GRID2: variants seen among roughly 807,000 people sequenced by gnomAD.
GRID2 encodes the protein glutamate receptor ionotropic, delta-2.
Under a neutral mutation model 114.8 loss-of-function variants are expected in GRID2, and 33 were observed. The observed-to-expected ratio is 0.29, with a 90% CI of 0.22 to 0.38. The LOEUF (loss-of-function observed/expected upper bound fraction) is 0.38, where lower values mean the gene tolerates loss of function less well. Ranked by LOEUF, GRID2 falls within the 10% of genes least tolerant of loss-of-function variation. GRID2 has a pLI of 1.00. For missense variants in GRID2, 1,184 were observed against 1,257.7 expected (o/e 0.94, Z 0.89); for synonymous variants, 505 against 449.9 (o/e 1.12, Z -1.55).
chr4:92,754,207 G>C (rs1737597589), intron 2 of GRID2, among the ~76,000 whole-genome samples: 1 of 152,166 alleles, frequency 6.6e-6, no homozygotes, highest in Non-Finnish European at 1.5e-5. Flanking sequence ...ACATTTCATA[G>C]TCCTGTGAAT....
At chr4:92,610,715 G>C (rs1729677462) in intron 2 of GRID2, among the ~76,000 whole-genome samples, 1 of 151,610 alleles carries the variant, frequency 6.6e-6, no homozygotes, top group African/African-American at 2.4e-5. Flanking sequence ...GCTCTCTCAA[G>C]TCCAATCAAT....
intron 2 of GRID2, among the ~76,000 whole-genome samples, chr4:93,013,852 G>A (rs1280404618): frequency 6.6e-6 from 1 of 151,568 alleles, no homozygotes. Flanking sequence ...TTATTTGAGG[G>A]GCAATTATGA....
chr4:93,589,067 A>G (rs1737848690), intron 13 of GRID2, among the ~76,000 whole-genome samples: 1 of 151,492 alleles, frequency 6.6e-6, no homozygotes, highest in African/African-American at 2.4e-5. Flanking sequence ...TATTATTATT[A>G]TACTTTAAGT....
intron 8 of GRID2, among the ~76,000 whole-genome samples, chr4:93,391,298 A>G (rs1315784640): frequency 2.6e-5 from 4 of 152,142 alleles, no homozygotes; most frequent in Admixed American, 6.6e-5. Context: ...TGCCATATGT[A>G]TTTTTTACAC....
chr4:92,757,334 C>T (rs917478521), intron 2 of GRID2, among the ~76,000 whole-genome samples: 1 of 151,920 alleles, frequency 6.6e-6, no homozygotes, highest in Non-Finnish European at 1.5e-5. Context: ...GGGGTGAAAA[C>T]GATGCTATCT....
chr4:93,095,984 GACTTCAAGGCTTTTTTGA>G (rs1177127030), intron 3 of GRID2, among the ~76,000 whole-genome samples: 1 of 151,922 alleles, frequency 6.6e-6, no homozygotes, highest in Non-Finnish European at 1.5e-5. Flanking sequence ...TATTTTACCT[GACTTCAAGGCTTTTTTGA>G]TATTGGCATA....
intron 8 of GRID2, among the ~76,000 whole-genome samples, chr4:93,332,855 C>T (rs1285623889): frequency 1.3e-5 from 2 of 152,072 alleles, no homozygotes; most frequent in African/African-American, 4.8e-5. Context: ...TTCTTCTCCC[C>T]AGGTAATTAA....
chr4:92,683,705 TTAAAAA>T (rs1250723799), intron 2 of GRID2, among the ~76,000 whole-genome samples: 2 of 151,694 alleles, frequency 1.3e-5, no homozygotes, highest in African/African-American at 4.8e-5. Context: ...ACAAAAAAGA[TTAAAAA>T]TAAAAGGATA....
intron 2 of GRID2, among the ~76,000 whole-genome samples, chr4:92,618,071 C>T (rs917622630): frequency 6.6e-6 from 1 of 151,560 alleles, no homozygotes; most frequent in Admixed American, 6.6e-5. Flanking sequence ...TGAAGTCTTC[C>T]TCATAAAATA....
Position 92,987,500 on chromosome 4 carries a change from G to A in GRID2, c.245-97495G>A, listed in dbSNP as rs562681563. Among the ~76,000 whole-genome samples, 4 of 152,070 alleles carry A rather than the reference G, an allele frequency of 2.6e-5. No individual in the cohort carries two copies. The East Asian group carries it at 7.7e-4, about 29-fold the overall frequency. ...GGAGATATACCTAATGTTAAATGAT[G>A]AGTTAATGGGTGCAGCACACCAACA... On this transcript the variant is annotated intron_variant, in intron 2 of 15. Transcript: ENST00000282020.
intron 2 of GRID2, among the ~76,000 whole-genome samples, chr4:92,998,036 G>A (rs925916005): frequency 4.6e-5 from 7 of 151,738 alleles, no homozygotes; most frequent in Non-Finnish European, 1.0e-4. Flanking sequence ...AAATACTTTG[G>A]AATAATTAGA....
At chr4:92,655,807 T>A (rs1178992208) in intron 2 of GRID2, among the ~76,000 whole-genome samples, 1 of 151,876 alleles carries the variant, frequency 6.6e-6, no homozygotes, top group African/African-American at 2.4e-5. Context: ...GAGGGATAAT[T>A]TGACTCCCTC....
intron 13 of GRID2, among the ~76,000 whole-genome samples, chr4:93,595,537 G>A (rs906020198): frequency 1.3e-5 from 2 of 152,144 alleles, no homozygotes; most frequent in Non-Finnish European, 1.5e-5. Context: ...AACACTGCAT[G>A]AAAAGCATTT....
intron 3 of GRID2, among the ~76,000 whole-genome samples, chr4:93,091,740 G>A (rs1380225899): frequency 1.3e-5 from 2 of 152,186 alleles, no homozygotes; most frequent in South Asian, 2.1e-4. Context: ...ACTTTGGCCT[G>A]CATGAACAAG....
intron 2 of GRID2, among the ~76,000 whole-genome samples, chr4:92,681,204 C>T (rs1015265221): frequency 1.3e-5 from 2 of 152,134 alleles, no homozygotes; most frequent in South Asian, 4.1e-4. Flanking sequence ...GATAAAACTA[C>T]AGGGACAGGG....
At chr4:93,338,911 A>G (rs1218233582) in intron 8 of GRID2, among the ~76,000 whole-genome samples, 1 of 152,116 alleles carries the variant, frequency 6.6e-6, no homozygotes, top group Non-Finnish European at 1.5e-5. Flanking sequence ...TGTGTAACCA[A>G]TAGGAAACAA....
intron 1 of GRID2, among the ~76,000 whole-genome samples, chr4:92,468,904 C>A (rs911499011): frequency 1.3e-5 from 2 of 151,898 alleles, no homozygotes; most frequent in African/African-American, 2.4e-5. Flanking sequence ...AGATGGAGGC[C>A]CGAAGAGAGG....
intron 14 of GRID2, among the ~76,000 whole-genome samples, chr4:93,646,112 A>G (rs1722090215): frequency 6.6e-6 from 1 of 152,226 alleles, no homozygotes; most frequent in African/African-American, 2.4e-5. Context: ...TGACAAGATT[A>G]TTACTTTCCT....
At position 93,784,071 on chromosome 4, in the gene GRID2, C is replaced by CAAAAAAAAA. The variant is rs70942993; in HGVS notation, c.221+14641_221+14649dup. On this transcript the variant is annotated intron_variant, in intron 1 of 1. Transcript: ENST00000637838. ...TGGGCGACAGAGCGAGACTCCGTCT[C>CAAAAAAAAA]AAAAAAAAAAAAAAAAAAAAAAAAA... 3.3e-3 allele frequency among the ~76,000 whole-genome samples: 127 copies of CAAAAAAAAA among 38,988 alleles called. 12 individuals carry two copies. Among genetic ancestry groups the CAAAAAAAAA allele is most frequent in the African/African-American group, 0.015 (125 of 8,312 alleles). The allele number at this position is 38,988 out of a possible 152,430, so 25.6% of individuals were successfully genotyped here. A position where few individuals can be genotyped will look rare whatever the true frequency, so the allele number is the denominator to read the frequency against.
Sources: allele counts gnomAD v4.1 joint callset (sites outside exome capture counted in the v4.1 genomes callset), GRCh38; gene constraint gnomAD v4.1.1; transcripts MANE v1.5; gene names NCBI Gene and HGNC (gene_info 2026-07-23, HGNC 2026-07-21).